ZMYM1: variants seen among roughly 807,000 people sequenced by gnomAD.
ZMYM1 encodes zinc finger MYM-type containing 1.
A neutral mutation model predicts 60.0 loss-of-function variants in ZMYM1; 39 were observed. The observed-to-expected ratio is 0.65, with a 90% CI of 0.50 to 0.85. ZMYM1 has a LOEUF of 0.85. ZMYM1 is among the 40% of genes least tolerant of loss of function. ZMYM1 has a pLI of 0.00. For missense variants in ZMYM1, 1,171 were observed against 1,309.5 expected, an observed-to-expected ratio of 0.89 and a Z score of 1.63; for synonymous variants, 413 against 454.0, an observed-to-expected ratio of 0.91 and a Z score of 1.15.
At chr1:35,094,301 C>T (rs919020606) in intron 2 of ZMYM1, among the ~76,000 whole-genome samples, 1 of 152,116 alleles carries the variant, frequency 6.6e-6, no homozygotes, top group African/African-American at 2.4e-5. Flanking sequence ...TGGGTTTTTG[C>T]ATAGGTAAAA....
At chr1:35,106,699 A>T (rs984859692) in intron 6 of ZMYM1, among the ~76,000 whole-genome samples, 1 of 151,346 alleles carries the variant, frequency 6.6e-6, no homozygotes, top group Non-Finnish European at 1.5e-5. Flanking sequence ...CATCTTTTCT[A>T]TGGCCCCCAT....
chr1:35,078,231 T>G (rs1013771962), upstream of ZMYM1, among the ~76,000 whole-genome samples: 3 of 152,200 alleles, frequency 2.0e-5, no homozygotes, highest in African/African-American at 4.8e-5. Context: ...TTATATTAGA[T>G]TTGAGGCTAA....
chr1:35,102,119 G>C (rs947691219), intron 4 of ZMYM1, among the ~76,000 whole-genome samples: 2 of 152,122 alleles, frequency 1.3e-5, no homozygotes, highest in Admixed American at 6.6e-5. Flanking sequence ...TGTTTTGGTT[G>C]AAGTCTGAAG....
In ZMYM1 at chr1:35,105,344, A is replaced by G. The variant is rs561762392; in HGVS notation, c.807+575A>G. On this transcript the variant is annotated intron_variant, in intron 6 of 9. Coordinates refer to ENST00000359858, the MANE Select transcript of ZMYM1 (RefSeq NM_024772.5). ...AGTAGAGATGGGGTTTCACTGTGTT[A>G]GCCAGGATGGTCTCAATCTCCTGAC... 7.8e-4 allele frequency among the ~76,000 whole-genome samples: 119 copies of G among 151,788 alleles called. 1 individual carries two copies. In the South Asian group the frequency reaches 0.024, roughly 31 times the overall value.
chr1:35,075,319 C>A (rs79745169), upstream of ZMYM1, among the ~76,000 whole-genome samples: 2,126 of 152,004 alleles, frequency 0.014, 58 homozygotes, highest in African/African-American at 0.048. Flanking sequence ...TATGTTGGGT[C>A]TTGCTTTTTT....
chr1:35,107,143 G>T (rs1475299887), intron 6 of ZMYM1, among the ~76,000 whole-genome samples: 1 of 149,034 alleles, frequency 6.7e-6, no homozygotes, highest in Non-Finnish European at 1.5e-5. Flanking sequence ...GAGCCACCGC[G>T]CCTGGCCGGC....
chr1:35,118,549 T>TA (rs1013476335), downstream of ZMYM1, among the ~76,000 whole-genome samples: 6 of 151,280 alleles, frequency 4.0e-5, no homozygotes, highest in African/African-American at 7.3e-5. Flanking sequence ...CCGTCTCTAC[T>TA]AAAAAAAATT....
chr1:35,073,481 C>T (rs531647712), intron 1 of ZMYM1, among the ~76,000 whole-genome samples: 6 of 150,750 alleles, frequency 4.0e-5, no homozygotes, highest in Admixed American at 3.3e-4. Context: ...GCAGATTGCT[C>T]AAGTGAAGGA....
chr1:35,081,912 T>C (rs1240272547), intron 1 of ZMYM1, among the ~76,000 whole-genome samples: 1 of 152,124 alleles, frequency 6.6e-6, no homozygotes, highest in Non-Finnish European at 1.5e-5. Flanking sequence ...AGGCTGGTCT[T>C]GAACTCCTGA....
At chr1:35,095,927 G>C in intron 3 of ZMYM1, 36 bp downstream of exon 3, 1 of 1,400,744 alleles carries the variant, frequency 7.1e-7, no homozygotes, top group Non-Finnish European at 1.0e-6. Context: ...TGTTTATTCA[G>C]ACCAATACGA....
intron 1 of ZMYM1, among the ~76,000 whole-genome samples, chr1:35,090,675 G>A (rs1642948279): frequency 6.6e-6 from 1 of 152,186 alleles, no homozygotes; most frequent in Non-Finnish European, 1.5e-5. Flanking sequence ...GACTGGGTGT[G>A]GTGGCTCACA....
At chr1:35,075,225 T>C (rs1642146367), upstream of ZMYM1, among the ~76,000 whole-genome samples, 1 of 152,234 alleles carries the variant, frequency 6.6e-6, no homozygotes. Context: ...TTTTGGTTTC[T>C]GTTTGCATAG....
chr1:35,108,604 C>T (rs1459608640), intron 6 of ZMYM1, among the ~76,000 whole-genome samples: 5 of 151,902 alleles, frequency 3.3e-5, no homozygotes, highest in African/African-American at 9.7e-5. Context: ...CTGCCCGCCT[C>T]GGCCTGCCAA....
intron 4 of ZMYM1, among the ~76,000 whole-genome samples, chr1:35,102,360 C>T (rs576099520): frequency 8.5e-5 from 13 of 152,114 alleles, no homozygotes; most frequent in Non-Finnish European, 1.3e-4. Flanking sequence ...ATCTTTTACC[C>T]GTGAATGATT....
downstream of ZMYM1, among the ~76,000 whole-genome samples, chr1:35,116,688 C>G (rs920907571): frequency 9.2e-5 from 14 of 152,094 alleles, no homozygotes; most frequent in Admixed American, 5.9e-4. Flanking sequence ...GAACTCCTGA[C>G]GTCAGGTAAT....
Position 35,115,345 on chromosome 1 carries a change from A to G in ZMYM1, c.*86A>G, listed in dbSNP as rs1644233517. 2.1e-6 allele frequency: 3 copies of G among 1,418,964 alleles called. No homozygotes were observed. Among genetic ancestry groups the G allele is most frequent in the Non-Finnish European group, 2.8e-6 (3 of 1,073,398 alleles). The allele number at this position is 1,418,964 out of a possible 1,614,324, so 87.9% of individuals were successfully genotyped here. A position where few individuals can be genotyped will look rare whatever the true frequency, so the allele number is the denominator to read the frequency against. ...AAATTGTTCAAAATTCAAAAGACAC[A>G]GAACGATAAACAGTGAAGTCTCCTT... On this transcript the variant is annotated 3_prime_UTR_variant, in exon 10 of 10. Coordinates refer to ENST00000359858, the MANE Select transcript of ZMYM1 (RefSeq NM_024772.5).
At chr1:35,081,375 A>AT (rs34772522) in intron 1 of ZMYM1, among the ~76,000 whole-genome samples, 2,173 of 145,274 alleles carry the variant, frequency 0.015, 51 homozygotes, top group African/African-American at 0.049. Context: ...CCCTTCCAAC[A>AT]TTTTTTTTTT....
intron 4 of ZMYM1, among the ~76,000 whole-genome samples, chr1:35,099,513 G>C (rs904692812): frequency 2.0e-5 from 3 of 152,074 alleles, no homozygotes; most frequent in Non-Finnish European, 2.9e-5. Context: ...ACTTCCTCTA[G>C]AATAAAATTT....
intron 1 of ZMYM1, chr1:35,093,294 T>TTTTG (rs10638422): frequency 0.71 from 106,773 of 150,878 alleles, 41,553 homozygotes; most frequent in Non-Finnish European, 0.89. Context: ...TACATTTCTT[T>TTTTG]TTTGTTTGTT....
Sources: allele counts gnomAD v4.1 joint callset (sites outside exome capture counted in the v4.1 genomes callset), GRCh38; gene constraint gnomAD v4.1.1; transcripts MANE v1.5; gene names NCBI Gene and HGNC (gene_info 2026-07-23, HGNC 2026-07-21).